PBOV1: variants seen among roughly 807,000 people sequenced by gnomAD.
PBOV1 encodes prostate and breast cancer overexpressed 1, also known as prostate and breast cancer overexpressed gene 1 protein.
For synonymous variants in PBOV1, 46 were observed against 55.9 expected, an observed-to-expected ratio of 0.82 and a Z score of 0.79; for missense variants, 147 against 151.4, an observed-to-expected ratio of 0.97 and a Z score of 0.15.
At position 138,216,969 on chromosome 6, in the gene PBOV1, A is replaced by G. The variant is rs1382065263; in HGVS notation, c.*1019T>C. 6.6e-6 allele frequency: 1 copy of G among 152,240 alleles called. No homozygotes were observed. Among genetic ancestry groups the G allele is most frequent in the Non-Finnish European group, 1.5e-5 (1 of 68,042 alleles). 9.4% of individuals were successfully genotyped at this position (152,240 alleles called of 1,614,324 possible). A position where few individuals can be genotyped will look rare whatever the true frequency, so the allele number is the denominator to read the frequency against. ...GAATCTTTTTCTACTTTGCAAACAG[A>G]CTAATATAATTCTTACTGAGTTTTC... On this transcript the variant is annotated 3_prime_UTR_variant, in exon 1 of 1. Coordinates refer to ENST00000527246, the MANE Select transcript of PBOV1 (RefSeq NM_021635.3).
rs558060294 is a variant in PBOV1, at chr6:138,218,130, G to T, written c.266C>A (p.Thr89Asn). Residue 89 changes from threonine (T) to asparagine (N), a missense_variant, in exon 1 of 1, where the codon ACC becomes AAC. Thr to Asn is a moderately conservative substitution (Grantham distance 65). Transcript: ENST00000527246. ...ACATTTCATTGAGGAACCTTTCATG[G>T]TCAAGTGTGTCTGCAAGGGTGTGAG... The part of the protein sequence containing the change: ...AILTPLQTHL[T>N]MKGSSMKCSS... 6 of 1,613,950 alleles carry T rather than the reference G, an allele frequency of 3.7e-6. No individual in the cohort carries two copies. The highest frequency in any genetic ancestry group is 1.6e-4 in the Middle Eastern group (1 of 6,062).
Position 138,217,902 on chromosome 6 carries a change from G to GC in PBOV1, c.*85dup. 1 of 1,464,234 alleles carries GC rather than the reference G, an allele frequency of 6.8e-7. No homozygotes were observed. Among genetic ancestry groups the GC allele is most frequent in the South Asian group, 1.5e-5 (1 of 67,686 alleles). The allele number at this position is 1,464,234 out of a possible 1,614,324, so 90.7% of individuals were successfully genotyped here. A position where few individuals can be genotyped will look rare whatever the true frequency, so the allele number is the denominator to read the frequency against. ...GAAGTTGGAATGGTTCAGTTACTTG[G>GC]CTGGGCTTAAACAGTCATTGGTAGC... On this transcript the variant is annotated 3_prime_UTR_variant, in exon 1 of 1. Coordinates refer to ENST00000527246, the MANE Select transcript of PBOV1 (RefSeq NM_021635.3).
chr6:138,217,317 T>C lies in PBOV1; in HGVS notation c.*671A>G, dbSNP rs1012354946. On this transcript the variant is annotated 3_prime_UTR_variant, in exon 1 of 1. Transcript: ENST00000527246. ...TATAGATCCAAACAGAATGGGAAAGTTCTCTGATTTTTTAATCATTTATTC... is the reference window on the plus strand; with the variant it reads ...TATAGATCCAAACAGAATGGGAAAGCTCTCTGATTTTTTAATCATTTATTC... 6.6e-6 allele frequency: 1 copy of C among 152,186 alleles called. No homozygotes were observed. The highest frequency in any genetic ancestry group is 2.4e-5 in the African/African-American group (1 of 41,440). 9.4% of individuals were successfully genotyped at this position (152,186 alleles called of 1,614,324 possible).
At position 138,218,380 on chromosome 6, in the gene PBOV1, T is replaced by C. The variant is rs1433025788; in HGVS notation, c.16A>G (p.Arg6Gly). MRAFL[R>G]NQKYEDMHNI... ...TGCATATCCTCATATTTCTGGTTCC[T>C]TAAGAAGGCCCTCATATTTACTACT... Residue 6 changes from arginine (R) to glycine (G), a missense_variant, in exon 1 of 1, where the codon AGG becomes GGG. Physicochemically the swap from Arg to Gly is moderately radical, Grantham distance 125 (BLOSUM62 -2). Coordinates refer to ENST00000527246, the MANE Select transcript of PBOV1 (RefSeq NM_021635.3). 1.3e-6 allele frequency: 2 copies of C among 1,541,052 alleles called. No individual in the cohort carries two copies.
rs186709643 is a variant in PBOV1, at chr6:138,217,632, T to A, written c.*356A>T. 3.3e-4 allele frequency: 64 copies of A among 195,870 alleles called. No homozygotes were observed. Among genetic ancestry groups the A allele is most frequent in the African/African-American group, 1.5e-3 (63 of 42,766 alleles). 12.1% of individuals were successfully genotyped at this position (195,870 alleles called of 1,614,324 possible). ...TGGTATACTATAAGTATTGTTTTTA[T>A]CCCTCTGGTGCCTAGCGGAGCATCT... is the stretch of plus-strand genomic sequence containing the variant. On this transcript the variant is annotated 3_prime_UTR_variant, in exon 1 of 1. Coordinates refer to ENST00000527246, the MANE Select transcript of PBOV1 (RefSeq NM_021635.3).
At position 138,216,485 on chromosome 6, in the gene PBOV1, G is replaced by A. The variant is rs761131446; in HGVS notation, c.*1503C>T. 2.6e-5 allele frequency: 4 copies of A among 152,136 alleles called. No homozygotes were observed. The highest frequency in any genetic ancestry group is 5.9e-5 in the Non-Finnish European group (4 of 68,042). 9.4% of individuals were successfully genotyped at this position (152,136 alleles called of 1,614,324 possible). ...GCCTTGGTCTGGGAGCAAGAAACAC[G>A]ACAAAGGAAGAAAGACTGTTTGAGT... On this transcript the variant is annotated 3_prime_UTR_variant, in exon 1 of 1. Transcript: ENST00000527246.
chr6:138,217,100 T>A lies in PBOV1; in HGVS notation c.*888A>T, dbSNP rs1306034885. The A allele has an allele frequency of 6.6e-6, 1 of 152,264 alleles. No individual in the cohort carries two copies. Among genetic ancestry groups the A allele is most frequent in the Non-Finnish European group, 1.5e-5 (1 of 68,048 alleles). The allele number at this position is 152,264 out of a possible 1,614,324, so 9.4% of individuals were successfully genotyped here. The stretch of plus-strand genomic sequence containing the variant: ...AAAGCCTGGAGATGTGATTTTCCTT[T>A]AAATAGTTTATGCATTATTTTTGAG... On this transcript the variant is annotated 3_prime_UTR_variant, in exon 1 of 1. Coordinates refer to ENST00000527246, the MANE Select transcript of PBOV1 (RefSeq NM_021635.3).
chr6:138,218,253 A>C lies in PBOV1; in HGVS notation c.143T>G (p.Phe48Cys), dbSNP rs373451602. The change falls in exon 1 of 1, where the codon TTC becomes TGC. Residue 48 changes from phenylalanine (F) to cysteine (C), a missense_variant. Physicochemically the swap from Phe to Cys is radical, Grantham distance 205. Transcript: ENST00000527246. Reference protein sequence around the residue: ...ILAPETVLLPFCYKVFRKKEK... With the variant: ...ILAPETVLLPCCYKVFRKKEK... ...TTTTTTTCGAAATACCTTGTAGCAGAATGGTAAGAGCACAGTTTCTGGAGC... is the reference window on the plus strand; with the variant it reads ...TTTTTTTCGAAATACCTTGTAGCAGCATGGTAAGAGCACAGTTTCTGGAGC... The C allele has an allele frequency of 6.2e-7, 1 of 1,611,928 alleles. No homozygotes were observed. Among genetic ancestry groups the C allele is most frequent in the South Asian group, 1.1e-5 (1 of 90,876 alleles).
Position 138,218,329 on chromosome 6 carries a change from T to C in PBOV1, c.67A>G (p.Arg23Gly), listed in dbSNP as rs765857849. Residue 23 changes from arginine (R) to glycine (G), a missense_variant, in exon 1 of 1, where the codon AGA (arginine) becomes GGA (glycine). By Grantham distance (125) the Arg-to-Gly change is moderately radical. Transcript: ENST00000527246. ...TTACTTAATCTGTGCCTCAATTTTC[T>C]GATCTGTAAAATGTGAATAATATTG... Reference protein sequence around the residue: ...MHNIIHILQIRKLRHRLSNFP... With the variant: ...MHNIIHILQIGKLRHRLSNFP... 4 of 1,559,724 alleles carry C rather than the reference T, an allele frequency of 2.6e-6. No homozygotes were observed. The highest frequency in any genetic ancestry group is 3.5e-6 in the Non-Finnish European group (4 of 1,151,028).
Position 138,217,817 on chromosome 6 carries a change from G to A in PBOV1, c.*171C>T. 2.2e-6 allele frequency: 2 copies of A among 924,772 alleles called. No homozygotes were observed. Among genetic ancestry groups the A allele is most frequent in the Non-Finnish European group, 3.0e-6 (2 of 656,930 alleles). The allele number at this position is 924,772 out of a possible 1,614,324, so 57.3% of individuals were successfully genotyped here. A position where few individuals can be genotyped will look rare whatever the true frequency, so the allele number is the denominator to read the frequency against. ...TCAAGATTGAGAAAGATCAACATGG[G>A]TTTGTATTTTAGAATTGAAATAACC... On this transcript the variant is annotated 3_prime_UTR_variant, in exon 1 of 1. Transcript: ENST00000527246.
Position 138,217,808 on chromosome 6 carries a change from T to C in PBOV1, c.*180A>G, listed in dbSNP as rs1777899542. On this transcript the variant is annotated 3_prime_UTR_variant, in exon 1 of 1. Coordinates refer to ENST00000527246, the MANE Select transcript of PBOV1 (RefSeq NM_021635.3). ...TCTATGAGTTCAAGATTGAGAAAGATCAACATGGGTTTGTATTTTAGAATT... is the reference window on the plus strand; with the variant it reads ...TCTATGAGTTCAAGATTGAGAAAGACCAACATGGGTTTGTATTTTAGAATT... 4.6e-6 allele frequency: 4 copies of C among 863,272 alleles called. No individual in the cohort carries two copies. 53.5% of individuals were successfully genotyped at this position (863,272 alleles called of 1,614,324 possible).
rs1470874678 is a variant in PBOV1 at position 138,217,969 on chromosome 6, T to C, written c.*19A>G. ...CCATTTTTATTTTTCTGGAAAGGCTTTGCAGCAGGGCTGAGAGTTTATATG... is the reference window on the plus strand; with the variant it reads ...CCATTTTTATTTTTCTGGAAAGGCTCTGCAGCAGGGCTGAGAGTTTATATG... On this transcript the variant is annotated 3_prime_UTR_variant, in exon 1 of 1. Transcript: ENST00000527246. The C allele has an allele frequency of 2.5e-6, 4 of 1,576,734 alleles. No homozygotes were observed.
chr6:138,218,189 A>G lies in PBOV1; in HGVS notation c.207T>C (p.Ile69=). The change falls in exon 1 of 1, where the codon ATT becomes ATC. Residue 69 remains isoleucine, a synonymous_variant. Coordinates refer to ENST00000527246, the MANE Select transcript of PBOV1 (RefSeq NM_021635.3). ...GGTGTGACTGTTCTATGGAATAATC[A>G]ATGAACTCTGTTGCCTTTTGACTTC... ...VKRSQKATEF[I]DYSIEQSHHA... is the part of the protein sequence containing the mutation. 1 of 1,613,966 alleles carries G rather than the reference A, an allele frequency of 6.2e-7. No individual in the cohort carries two copies. The highest frequency in any genetic ancestry group is 8.5e-7 in the Non-Finnish European group (1 of 1,179,860).
rs1171769256 is a variant in PBOV1 at position 138,217,019 on chromosome 6, T to C, written c.*969A>G. ...CCTCCCATCTTTCTTTACCCTTTGA[T>C]ATGACTGCCTTCAGCAGATGGTAAA... On this transcript the variant is annotated 3_prime_UTR_variant, in exon 1 of 1. Transcript: ENST00000527246. The C allele has an allele frequency of 6.6e-6, 1 of 152,240 alleles. No homozygotes were observed. Among genetic ancestry groups the C allele is most frequent in the African/African-American group, 2.4e-5 (1 of 41,464 alleles). The allele number at this position is 152,240 out of a possible 1,614,324, so 9.4% of individuals were successfully genotyped here.
rs1777912796 is a variant in PBOV1 at position 138,218,280 on chromosome 6, A to G, written c.116T>C (p.Leu39Pro). Residue 39 changes from leucine to proline, a missense_variant, in exon 1 of 1, where the codon CTA becomes CCA. Coordinates refer to ENST00000527246, the MANE Select transcript of PBOV1 (RefSeq NM_021635.3). ...TGGTAAGAGCACAGTTTCTGGAGCTAGAATGCCTGGTAGCCTTGGGAAGTT... is the reference window on the plus strand; with the variant it reads ...TGGTAAGAGCACAGTTTCTGGAGCTGGAATGCCTGGTAGCCTTGGGAAGTT... Reference protein sequence around the residue: ...LSNFPRLPGILAPETVLLPFC... With the variant: ...LSNFPRLPGIPAPETVLLPFC... The G allele has an allele frequency of 6.2e-7, 1 of 1,602,782 alleles. No homozygotes were observed. Among genetic ancestry groups the G allele is most frequent in the South Asian group, 1.1e-5 (1 of 89,924 alleles).
At position 138,216,889 on chromosome 6, in the gene PBOV1, A is replaced by T. The variant is rs529318274; in HGVS notation, c.*1099T>A. The T allele has an allele frequency of 6.6e-6, 1 of 152,366 alleles. No homozygotes were observed. Among genetic ancestry groups the T allele is most frequent in the African/African-American group, 2.4e-5 (1 of 41,588 alleles). 9.4% of individuals were successfully genotyped at this position (152,366 alleles called of 1,614,324 possible). A position where few individuals can be genotyped will look rare whatever the true frequency, so the allele number is the denominator to read the frequency against. On this transcript the variant is annotated 3_prime_UTR_variant, in exon 1 of 1. Transcript: ENST00000527246. ...GTGTCTAAAATATGTGGTTCTGCTA[A>T]GTAAATGGTTCTCAAACAGCCTTCC...
In PBOV1 at chr6:138,217,745, G is replaced by A; in HGVS notation, c.*243C>T. 2.0e-6 allele frequency: 1 copy of A among 499,824 alleles called. No homozygotes were observed. The highest frequency in any genetic ancestry group is 3.2e-6 in the Non-Finnish European group (1 of 313,804). The allele number at this position is 499,824 out of a possible 1,614,324, so 31.0% of individuals were successfully genotyped here. On this transcript the variant is annotated 3_prime_UTR_variant, in exon 1 of 1. Coordinates refer to ENST00000527246, the MANE Select transcript of PBOV1 (RefSeq NM_021635.3). ...TGTGGTAGTTTTTAATGGCCCACTA[G>A]GATAAATAACAAACTAAATTGAGAT...
chr6:138,218,055 G>A lies in PBOV1; in HGVS notation c.341C>T (p.Thr114Ile). 1.2e-6 allele frequency: 2 copies of A among 1,613,838 alleles called. No homozygotes were observed. Among genetic ancestry groups the A allele is most frequent in the Non-Finnish European group, 1.7e-6 (2 of 1,179,800 alleles). ...AILFTLTLQL[T>I]QTLGLECCLL... ...ACAGCATTCCAGACCTAGGGTCTGA[G>A]TTAACTGCAAAGTCAATGTGAATAA... The change falls in exon 1 of 1, where the codon ACT (threonine) becomes ATT (isoleucine). Residue 114 changes from threonine (T) to isoleucine (I), a missense_variant. Coordinates refer to ENST00000527246, the MANE Select transcript of PBOV1 (RefSeq NM_021635.3).
chr6:138,217,849 A>G lies in PBOV1; in HGVS notation c.*139T>C. On this transcript the variant is annotated 3_prime_UTR_variant, in exon 1 of 1. Coordinates refer to ENST00000527246, the MANE Select transcript of PBOV1 (RefSeq NM_021635.3). ...TTTTAGAATTGAAATAACCTCCTAC[A>G]TCATCAAATTCTTTTCATAAGTAAA... is the stretch of plus-strand genomic sequence containing the variant. 4 of 1,243,742 alleles carry G rather than the reference A, an allele frequency of 3.2e-6. No individual in the cohort carries two copies. Among genetic ancestry groups the G allele is most frequent in the Non-Finnish European group, 4.3e-6 (4 of 923,328 alleles). 77.0% of individuals were successfully genotyped at this position (1,243,742 alleles called of 1,614,324 possible).
Sources: allele counts gnomAD v4.1 joint callset, GRCh38; gene constraint gnomAD v4.1.1; transcripts MANE v1.5; gene names NCBI Gene and HGNC (gene_info 2026-07-23, HGNC 2026-07-21).